Variants in MIGA1 observed in about 807,000 individuals in gnomAD.
MIGA1 encodes the protein mitoguardin 1.
In MIGA1, 58 loss-of-function variants were observed where a neutral mutation model predicts 82.0. The ratio of observed to expected loss-of-function variants is 0.71; its 90% CI spans 0.57 to 0.88. The LOEUF (loss-of-function observed/expected upper bound fraction) is 0.88, where lower values mean the gene tolerates loss of function less well. MIGA1 is among the 40% of genes least tolerant of loss of function. The pLI, the probability that MIGA1 is intolerant of heterozygous loss-of-function variation, is 0.00. For missense variants in MIGA1, 751 were observed against 749.1 expected (o/e 1.00, Z -0.03); for synonymous variants, 249 against 253.6 (o/e 0.98, Z 0.17).
intron 4 of MIGA1, among the ~76,000 whole-genome samples, chr1:77,804,431 T>G (rs1683007221): frequency 6.6e-6 from 1 of 152,148 alleles, no homozygotes; most frequent in Admixed American, 6.5e-5. Context: ...GAATATACAA[T>G]GAGAGCTGGG....
intron 5 of MIGA1, among the ~76,000 whole-genome samples, chr1:77,809,064 G>T (rs1404852412): frequency 6.6e-6 from 1 of 152,004 alleles, no homozygotes; most frequent in Non-Finnish European, 1.5e-5. Context: ...TGAGCTAATT[G>T]TGCCACTGCA....
intron 7 of MIGA1, among the ~76,000 whole-genome samples, chr1:77,818,352 A>T (rs1404030802): frequency 9.9e-5 from 15 of 151,616 alleles, no homozygotes; most frequent in Non-Finnish European, 2.9e-5. Context: ...CGAACTCCTG[A>T]CCTCAGGCGA....
intron 2 of MIGA1, 40 bp from the exon 3 acceptor site, chr1:77,801,291 T>A: frequency 6.8e-7 from 1 of 1,465,468 alleles, no homozygotes. Flanking sequence ...AGTGAACAAA[T>A]TAAAGAGATT....
intron 8 of MIGA1, among the ~76,000 whole-genome samples, chr1:77,850,801 T>C (rs551747102): frequency 3.5e-4 from 53 of 152,184 alleles, no homozygotes; most frequent in Admixed American, 7.2e-4. Context: ...GTGGGAATTA[T>C]CTATTTTTCT....
At chr1:77,846,102 A>T (rs933445888) in intron 8 of MIGA1, among the ~76,000 whole-genome samples, 7 of 152,080 alleles carry the variant, frequency 4.6e-5, no homozygotes, top group African/African-American at 1.7e-4. Context: ...TTATCACCCT[A>T]AACACAAACC....
At chr1:77,869,921 CG>C (rs1157486360) in intron 14 of MIGA1, among the ~76,000 whole-genome samples, 8 of 116,548 alleles carry the variant, frequency 6.9e-5, no homozygotes, top group African/African-American at 1.0e-4. Flanking sequence ...GGGCTGACCC[CG>C]CCCACCTCCC....
At chr1:77,856,532 A>T (rs1685260583) in intron 8 of MIGA1, among the ~76,000 whole-genome samples, 1 of 152,024 alleles carries the variant, frequency 6.6e-6, no homozygotes, top group Non-Finnish European at 1.5e-5. Context: ...GTAATTTTTT[A>T]ATTACCATTT....
chr1:77,847,120 G>T, intron 8 of MIGA1: 1 of 912,150 alleles, frequency 1.1e-6, no homozygotes, highest in Non-Finnish European at 1.8e-6. Context: ...GGTGATTCTG[G>T]GCAGGCAGTA....
At chr1:77,872,578 G>A (rs1457175997) in intron 14 of MIGA1, among the ~76,000 whole-genome samples, 2 of 152,074 alleles carry the variant, frequency 1.3e-5, no homozygotes, top group African/African-American at 4.8e-5. Context: ...TTCACCCTGG[G>A]CTACAGAGTG....
chr1:77,873,617 T>C (rs2101988198), intron 15 of MIGA1, among the ~76,000 whole-genome samples: 1 of 152,358 alleles, frequency 6.6e-6, no homozygotes, highest in African/African-American at 2.4e-5. Context: ...TCAGCAGTTT[T>C]AGTTTGCCAA....
intron 5 of MIGA1, chr1:77,810,983 T>C: frequency 1.9e-6 from 3 of 1,612,280 alleles, no homozygotes; most frequent in Middle Eastern, 4.3e-4. Context: ...GGCCCAGGTT[T>C]AATTTCATCC....
rs755719015 is a variant in MIGA1, at chr1:77,815,129, A to G, written c.793A>G (p.Ile265Val). The G allele has an allele frequency of 4.4e-6, 7 of 1,596,252 alleles. No homozygotes were observed. Among genetic ancestry groups the G allele is most frequent in the Non-Finnish European group, 6.0e-6 (7 of 1,168,866 alleles). Reference sequence around the variant, plus strand: ...GTAGGATATTATTAGTACTGAATTTATCCATAAACTCGAAGCTCTGCTGCA... The same window carrying G: ...GTAGGATATTATTAGTACTGAATTTGTCCATAAACTCGAAGCTCTGCTGCA... The change falls in exon 7 of 16, where the codon ATC (isoleucine) becomes GTC (valine). Residue 265 changes from isoleucine (I) to valine (V), a missense_variant. Coordinates refer to ENST00000370791, the MANE Select transcript of MIGA1 (RefSeq NM_198549.4).
Position 77,876,056 on chromosome 1 carries a change from C to T in MIGA1, c.*992C>T, listed in dbSNP as rs1337998466. The T allele has an allele frequency of 1.3e-5, 2 of 152,210 alleles. No homozygotes were observed. Among genetic ancestry groups the T allele is most frequent in the Non-Finnish European group, 2.9e-5 (2 of 68,106 alleles). 9.4% of individuals were successfully genotyped at this position (152,210 alleles called of 1,614,324 possible). A position where few individuals can be genotyped will look rare whatever the true frequency, so the allele number is the denominator to read the frequency against. On this transcript the variant is annotated 3_prime_UTR_variant, in exon 16 of 16. Transcript: ENST00000370791. ...GCTGACACAGGAGTATTGCTTGAACCCAGGAAGTGGAGGCTGCAGTGAGCC... is the reference window on the plus strand; with the variant it reads ...GCTGACACAGGAGTATTGCTTGAACTCAGGAAGTGGAGGCTGCAGTGAGCC...
At position 77,877,725 on chromosome 1, in the gene MIGA1, C is replaced by G. The variant is rs1164459548; in HGVS notation, c.*2661C>G. The G allele has an allele frequency of 6.6e-6, 1 of 152,616 alleles. No homozygotes were observed. Among genetic ancestry groups the G allele is most frequent in the Non-Finnish European group, 1.5e-5 (1 of 68,032 alleles). The allele number at this position is 152,616 out of a possible 1,614,324, so 9.5% of individuals were successfully genotyped here. ...ATTTGAAATCAATTTTGAAGAATTGCACTATTTGATAATGCTGCTACTACA... is the reference window on the plus strand; with the variant it reads ...ATTTGAAATCAATTTTGAAGAATTGGACTATTTGATAATGCTGCTACTACA... On this transcript the variant is annotated 3_prime_UTR_variant, in exon 16 of 16. Coordinates refer to ENST00000370791, the MANE Select transcript of MIGA1 (RefSeq NM_198549.4).
chr1:77,844,354 A>T (rs945220101), intron 8 of MIGA1, among the ~76,000 whole-genome samples: 3 of 151,824 alleles, frequency 2.0e-5, no homozygotes, highest in African/African-American at 7.2e-5. Context: ...ATTAGTATGT[A>T]AAGTTTTATA....
chr1:77,841,574 A>G (rs1400126698), intron 7 of MIGA1, among the ~76,000 whole-genome samples: 1 of 151,452 alleles, frequency 6.6e-6, no homozygotes, highest in African/African-American at 2.4e-5. Flanking sequence ...TTGAATAAAA[A>G]AAAAAACCCA....
chr1:77,839,555 A>G (rs1684553281), intron 7 of MIGA1, among the ~76,000 whole-genome samples: 1 of 151,738 alleles, frequency 6.6e-6, no homozygotes, highest in Non-Finnish European at 1.5e-5. Context: ...AATTTTTTGT[A>G]GAGCTGGAGT....
chr1:77,786,896 A>G (rs113609429), intron 2 of MIGA1, among the ~76,000 whole-genome samples: 3 of 152,184 alleles, frequency 2.0e-5, no homozygotes, highest in African/African-American at 7.2e-5. Flanking sequence ...TTTCAGCAGC[A>G]CCCCACTCTA....
Position 77,779,676 on chromosome 1 carries a change from G to A in MIGA1, c.21G>A (p.Ala7=). The stretch of plus-strand genomic sequence containing the variant: ...TCTCCATGTCAGACTGCTGCTCAGC[G>A]CCAGGCATCAGCTGGGAAGCTGGCG... Residue 7 remains alanine (A), a synonymous_variant, in exon 1 of 16, where the codon GCG becomes GCA. Transcript: ENST00000370791. 6.3e-7 allele frequency: 1 copy of A among 1,587,400 alleles called. No individual in the cohort carries two copies. The highest frequency in any genetic ancestry group is 8.6e-7 in the Non-Finnish European group (1 of 1,166,868).
Sources: gnomAD v4.1 joint callset for allele counts (sites outside exome capture counted in the v4.1 genomes callset) on GRCh38, gnomAD v4.1.1 for gene constraint, MANE v1.5 for transcripts, NCBI Gene and HGNC (gene_info 2026-07-23, HGNC 2026-07-21) for gene names.